The following RBFOX3 variants were observed in gnomAD, a reference collection of about 807,000 sequenced individuals.
RBFOX3 encodes RNA binding fox-1 homolog 3, also known as RNA binding protein fox-1 homolog 3.
In RBFOX3, 17 loss-of-function variants were observed where a neutral mutation model predicts 48.7. The ratio of observed to expected loss-of-function variants is 0.35; its 90% confidence interval spans 0.24 to 0.52. The LOEUF (loss-of-function observed/expected upper bound fraction) is 0.52, where lower values mean the gene tolerates loss of function less well. RBFOX3 is among the 20% of genes least tolerant of loss of function. RBFOX3 has a pLI of 0.94. For missense variants in RBFOX3, 382 were observed against 497.5 expected (o/e 0.77, Z 2.21); for synonymous variants, 212 against 209.5 (o/e 1.01, Z -0.10).
At chr17:79,403,856 T>C (rs1390379933) in intron 2 of RBFOX3, among the ~76,000 whole-genome samples, 3 of 147,046 alleles carry the variant, frequency 2.0e-5, no homozygotes, top group African/African-American at 7.5e-5. Flanking sequence ...CTCGGCTCAC[T>C]GCAAGCTCCA....
At chr17:79,223,262 T>G (rs577731872) in intron 4 of RBFOX3, among the ~76,000 whole-genome samples, 1 of 152,230 alleles carries the variant, frequency 6.6e-6, no homozygotes, top group South Asian at 2.1e-4. Context: ...CACACACAGC[T>G]GCATATATCT....
chr17:79,463,105 C>T (rs118074740), intron 2 of RBFOX3, among the ~76,000 whole-genome samples: 4,296 of 148,012 alleles, frequency 0.029, 115 homozygotes, highest in East Asian at 0.11. Flanking sequence ...CCACCTCCAC[C>T]GCCATCGCCA....
intron 4 of RBFOX3, among the ~76,000 whole-genome samples, chr17:79,160,489 G>A (rs2046758081): frequency 6.6e-6 from 1 of 152,204 alleles, no homozygotes; most frequent in Admixed American, 6.5e-5. Context: ...ATGTGGGGCG[G>A]TCACAAGCCT....
chr17:79,628,597 T>C, the RBFOX3 span, among the ~76,000 whole-genome samples: 2 of 152,118 alleles, frequency 1.3e-5, no homozygotes, highest in South Asian at 2.1e-4. Flanking sequence ...AAGTGTGCAA[T>C]TGAGGGGCAC....
chr17:79,171,542 G>A (rs78567375), intron 4 of RBFOX3, among the ~76,000 whole-genome samples: 11 of 152,146 alleles, frequency 7.2e-5, no homozygotes, highest in African/African-American at 1.7e-4. Flanking sequence ...ACAGACAGTG[G>A]GACAGATTTG....
At chr17:79,114,099 G>A (rs1568154992) in intron 5 of RBFOX3, among the ~76,000 whole-genome samples, 1 of 152,184 alleles carries the variant, frequency 6.6e-6, no homozygotes, top group Non-Finnish European at 1.5e-5. Context: ...GGTTTGAGCA[G>A]ATAAGCTGTG....
intron 12 of RBFOX3, 72 bp downstream of exon 12, chr17:79,096,581 G>GA: frequency 1.5e-6 from 2 of 1,331,594 alleles, no homozygotes; most frequent in Non-Finnish European, 2.1e-6. Flanking sequence ...AGTGAGAGAG[G>GA]AGACGCCGAC....
rs143870410 is a variant in RBFOX3 at position 79,381,538 on chromosome 17, G to A, written c.-174-73714C>T. ...CCTGGGCCACAGACGTGTTAGGGCC[G>A]GTCAGGCAGGGCATCTTCTGGTGTC... On this transcript the variant is annotated intron_variant, in intron 2 of 14. Transcript: ENST00000693108. Among the ~76,000 whole-genome samples the A allele has an allele frequency of 1.8e-4, 27 of 152,306 alleles. No homozygotes were observed. The East Asian group carries it at 4.1e-3, about 23-fold the overall frequency.
At chr17:79,131,819 G>C (rs1198461229) in intron 4 of RBFOX3, among the ~76,000 whole-genome samples, 2 of 152,060 alleles carry the variant, frequency 1.3e-5, no homozygotes, top group Non-Finnish European at 2.9e-5. Flanking sequence ...AATCCTGCCC[G>C]GCCACCTGGC....
At chr17:79,567,166 TTC>T (rs2092486252) in intron 1 of RBFOX3, among the ~76,000 whole-genome samples, 1 of 132,412 alleles carries the variant, frequency 7.6e-6, no homozygotes. Flanking sequence ...GCTATTTTTT[TTC>T]TTTCTTTCTT....
intron 2 of RBFOX3, among the ~76,000 whole-genome samples, chr17:79,420,168 CACACACAA>C (rs782383097): frequency 0.096 from 9,520 of 99,014 alleles, 458 homozygotes; most frequent in Middle Eastern, 0.15. Flanking sequence ...CACACACACA[CACACACAA>C]AAGATGGTTA....
chr17:79,403,785 T>TTC (rs1555711879), intron 2 of RBFOX3, among the ~76,000 whole-genome samples: 11 of 108,208 alleles, frequency 1.0e-4, no homozygotes, highest in South Asian at 3.0e-4. Context: ...TCTTTTTCTT[T>TTC]TTTTTTTTTT....
rs948669982 is a variant in RBFOX3, at chr17:79,391,932, G to A, written c.-174-84108C>T. On this transcript the variant is annotated intron_variant, in intron 2 of 14. Coordinates refer to ENST00000693108, the MANE Select transcript of RBFOX3 (RefSeq NM_001350451.2). This position sits in a 1 kb window ranked among gnomAD's most constrained non-coding sequence, Gnocchi z 5.0. ...CCCGGTTCTGAAGCTCACAGGTCGC[G>A]GGTTTGCTGAGAAGGCACGTGCTCC... Among the ~76,000 whole-genome samples the A allele has an allele frequency of 1.3e-5, 2 of 152,078 alleles. No homozygotes were observed. Among genetic ancestry groups the A allele is most frequent in the African/African-American group, 2.4e-5 (1 of 41,400 alleles).
At chr17:79,484,683 G>A (rs1359786106) in intron 1 of RBFOX3, among the ~76,000 whole-genome samples, 2 of 152,158 alleles carry the variant, frequency 1.3e-5, no homozygotes, top group African/African-American at 2.4e-5. Context: ...CTGGCCTGGT[G>A]GGGAGAGAAA....
rs1555722515 is a variant in RBFOX3 at position 79,421,796 on chromosome 17, A to G, written c.-175+60658T>C. On this transcript the variant is annotated intron_variant, in intron 2 of 14. Transcript: ENST00000693108. This position sits in a 1 kb window ranked among gnomAD's most constrained non-coding sequence, Gnocchi z 4.5. ...GGAGGTCTCCTTGAGGCCTTGGGAC[A>G]AGGGCAGAGAGAGAGAAGGGGAAGG... Among the ~76,000 whole-genome samples, 3 of 152,120 alleles carry G rather than the reference A, an allele frequency of 2.0e-5. No homozygotes were observed. The highest frequency in any genetic ancestry group is 6.5e-5 in the Admixed American group (1 of 15,280).
At chr17:79,617,137 G>C in the RBFOX3 span, among the ~76,000 whole-genome samples, 2 of 152,132 alleles carry the variant, frequency 1.3e-5, no homozygotes, top group South Asian at 2.1e-4. Context: ...CCTTCAGTGG[G>C]AGCAGCTTTC....
chr17:79,462,301 C>T (rs1475542544), intron 2 of RBFOX3, among the ~76,000 whole-genome samples: 3 of 152,226 alleles, frequency 2.0e-5, no homozygotes, highest in African/African-American at 7.2e-5. Flanking sequence ...CACCAAGGCA[C>T]TAATGGTGTG....
At position 79,423,031 on chromosome 17, in the gene RBFOX3, C is replaced by T. The variant is rs1340160548; in HGVS notation, c.-175+59423G>A. On this transcript the variant is annotated intron_variant, in intron 2 of 14. Transcript: ENST00000693108. This position sits in a 1 kb window ranked among gnomAD's most constrained non-coding sequence, Gnocchi z 4.9. ...AGAGTCCTCACAGGCACGGGACAGGCCGGCCCCTGCGACGGGACTTCGGGT... is the reference window on the plus strand; with the variant it reads ...AGAGTCCTCACAGGCACGGGACAGGTCGGCCCCTGCGACGGGACTTCGGGT... 1.3e-5 allele frequency among the ~76,000 whole-genome samples: 2 copies of T among 152,168 alleles called. No homozygotes were observed. The highest frequency in any genetic ancestry group is 4.8e-5 in the African/African-American group (2 of 41,426).
intron 4 of RBFOX3, among the ~76,000 whole-genome samples, chr17:79,207,202 A>G (rs2057624578): frequency 6.6e-6 from 1 of 152,262 alleles, no homozygotes; most frequent in Non-Finnish European, 1.5e-5. Flanking sequence ...AAACAGAGGA[A>G]AGTATGAAGA....
Sources: allele counts gnomAD v4.1 joint callset (sites outside exome capture counted in the v4.1 genomes callset), GRCh38; gene constraint gnomAD v4.1.1; non-coding constraint Gnocchi (gnomAD v3.1); transcripts MANE v1.5; gene names NCBI Gene and HGNC (gene_info 2026-07-23, HGNC 2026-07-21).